Variants in SMCO4 observed in about 807,000 individuals in gnomAD.
The protein encoded by SMCO4 is single-pass membrane protein with coiled-coil domains 4.
A neutral mutation model predicts 3.6 loss-of-function variants in SMCO4; 4 were observed. The ratio of observed to expected loss-of-function variants is 1.11; its 90% CI spans 0.54 to 2.53. The LOEUF (loss-of-function observed/expected upper bound fraction) is 2.53. Among genes scored for constraint, SMCO4 ranks in the 30% most tolerant of loss-of-function variants. The pLI is 0.02. For synonymous variants in SMCO4, 36 were observed against 35.3 expected, an observed-to-expected ratio of 1.02 and a Z score of -0.07; for missense variants, 70 against 80.8, an observed-to-expected ratio of 0.87 and a Z score of 0.51.
At chr11:93,548,305 A>T (rs997997685), upstream of SMCO4, among the ~76,000 whole-genome samples, 6 of 152,218 alleles carry the variant, frequency 3.9e-5, no homozygotes, top group African/African-American at 1.4e-4. Context: ...TGGCAAAATA[A>T]AAAGTTGACA....
At chr11:93,492,747 C>A (rs2134584701) in intron 2 of SMCO4, among the ~76,000 whole-genome samples, 1 of 152,284 alleles carries the variant, frequency 6.6e-6, no homozygotes, top group East Asian at 1.9e-4. Context: ...GCGACCAGAG[C>A]AGAACGAGTT....
At chr11:93,488,895 GA>G (rs1191795514) in intron 2 of SMCO4, among the ~76,000 whole-genome samples, 2 of 152,164 alleles carry the variant, frequency 1.3e-5, no homozygotes, top group Non-Finnish European at 1.5e-5. Flanking sequence ...GAGTCAAGAA[GA>G]AAACCAGGAA....
intron 1 of SMCO4, among the ~76,000 whole-genome samples, chr11:93,541,328 T>C (rs982477841): frequency 1.3e-5 from 2 of 152,210 alleles, no homozygotes; most frequent in Non-Finnish European, 2.9e-5. Context: ...TCTAACTCAC[T>C]GCTTGCCTTT....
chr11:93,492,859 T>A (rs978563025), intron 2 of SMCO4, among the ~76,000 whole-genome samples: 1 of 152,206 alleles, frequency 6.6e-6, no homozygotes, highest in African/African-American at 2.4e-5. Context: ...CATGTGTGCT[T>A]CACTGCAGAC....
chr11:93,534,440 T>TTACAATTACCAAG (rs1427740968), intron 1 of SMCO4, among the ~76,000 whole-genome samples: 65 of 150,988 alleles, frequency 4.3e-4, no homozygotes, highest in African/African-American at 1.5e-3. Flanking sequence ...GTGGAGTTAC[T>TTACAATTACCAAG]TACAATTACC....
chr11:93,534,239 CACACACACACACACACACACACAA>C (rs1565389919), intron 1 of SMCO4, among the ~76,000 whole-genome samples: 1 of 9,310 alleles, frequency 1.1e-4, no homozygotes, highest in South Asian at 2.0e-3. Context: ...CACACACACA[CACACACACACACACACACACACAA>C]ACACATATAT....
intron 1 of SMCO4, among the ~76,000 whole-genome samples, chr11:93,534,357 CATATATATAT>C (rs574528655): frequency 3.4e-5 from 3 of 86,986 alleles, no homozygotes; most frequent in Non-Finnish European, 5.5e-5. Flanking sequence ...TATACACATA[CATATATATAT>C]ATATATATAG....
intron 1 of SMCO4, among the ~76,000 whole-genome samples, chr11:93,525,071 T>C (rs1359720854): frequency 6.6e-6 from 1 of 152,168 alleles, no homozygotes; most frequent in Admixed American, 6.5e-5. Flanking sequence ...GAGCCACTAC[T>C]GTACTGCCAC....
intron 1 of SMCO4, among the ~76,000 whole-genome samples, chr11:93,502,239 A>T (rs1948847550): frequency 6.6e-6 from 1 of 152,148 alleles, no homozygotes; most frequent in African/African-American, 2.4e-5. Flanking sequence ...AAATGTTCAC[A>T]TTTGAGAACA....
At chr11:93,482,219 C>G (rs986614564) in intron 2 of SMCO4, among the ~76,000 whole-genome samples, 43 of 152,168 alleles carry the variant, frequency 2.8e-4, no homozygotes, top group African/African-American at 9.9e-4. Flanking sequence ...GAGATAACGA[C>G]TGGGGAGGGG....
chr11:93,511,994 G>A (rs1948962100), intron 1 of SMCO4, among the ~76,000 whole-genome samples: 2 of 152,266 alleles, frequency 1.3e-5, no homozygotes, highest in Admixed American at 1.3e-4. Flanking sequence ...TTAAATGTAG[G>A]TATAGCTGCC....
chr11:93,515,831 C>T (rs1949003324), intron 1 of SMCO4, among the ~76,000 whole-genome samples: 1 of 152,202 alleles, frequency 6.6e-6, no homozygotes, highest in African/African-American at 2.4e-5. Context: ...CTCCCCAGCC[C>T]TATCTATGCT....
intron 1 of SMCO4, among the ~76,000 whole-genome samples, chr11:93,504,628 G>A (rs577789438): frequency 6.6e-6 from 1 of 152,322 alleles, no homozygotes; most frequent in Non-Finnish European, 1.5e-5. Flanking sequence ...AGGCTATTCT[G>A]TCGCAAAACC....
rs11605923 is a variant in SMCO4, at chr11:93,534,215, T to C, written c.-154+9061A>G. ...CAAAAAAAAAAAAAAAATATATATATACACACACACACACACACACACACA... is the reference window on the plus strand; with the variant it reads ...CAAAAAAAAAAAAAAAATATATATACACACACACACACACACACACACACA... On this transcript the variant is annotated intron_variant, in intron 1 of 2. Transcript: ENST00000298966. Among the ~76,000 whole-genome samples, 84 of 128,354 alleles carry C rather than the reference T, an allele frequency of 6.5e-4. 3 individuals carry two copies. The highest frequency in any genetic ancestry group is 1.4e-3 in the East Asian group (6 of 4,334). The allele number at this position is 128,354 out of a possible 152,430, so 84.2% of individuals were successfully genotyped here.
chr11:93,535,446 G>A, intron 1 of SMCO4: 2 of 1,332,904 alleles, frequency 1.5e-6, no homozygotes, highest in East Asian at 2.3e-5. Context: ...TTAAGCAGAG[G>A]GAGTCGAGCC....
intron 2 of SMCO4, among the ~76,000 whole-genome samples, chr11:93,480,970 G>T (rs913098118): frequency 6.6e-6 from 1 of 152,192 alleles, no homozygotes. Flanking sequence ...CAAACATTAA[G>T]GTTCAGCAAA....
chr11:93,520,301 T>C (rs1949046004), intron 1 of SMCO4, among the ~76,000 whole-genome samples: 1 of 152,254 alleles, frequency 6.6e-6, no homozygotes, highest in Non-Finnish European at 1.5e-5. Flanking sequence ...CTGATGATGA[T>C]AATGATGACG....
At chr11:93,511,041 G>C (rs1948952058) in intron 1 of SMCO4, among the ~76,000 whole-genome samples, 1 of 152,144 alleles carries the variant, frequency 6.6e-6, no homozygotes, top group South Asian at 2.1e-4. Flanking sequence ...AGAGGATGCA[G>C]TGAACCAAGA....
chr11:93,513,303 G>A (rs1190493902), intron 1 of SMCO4, among the ~76,000 whole-genome samples: 1 of 152,114 alleles, frequency 6.6e-6, no homozygotes, highest in Non-Finnish European at 1.5e-5. Flanking sequence ...GCCTTTTTTT[G>A]TATGTGAAAC....
Sources: gnomAD v4.1 joint callset for allele counts (sites outside exome capture counted in the v4.1 genomes callset) on GRCh38, gnomAD v4.1.1 for gene constraint, MANE v1.5 for transcripts, NCBI Gene and HGNC (gene_info 2026-07-23, HGNC 2026-07-21) for gene names.